The following DPP6 variants were observed in gnomAD, a reference collection of about 807,000 sequenced individuals.
The protein encoded by DPP6 is A-type potassium channel modulatory protein DPP6.
In DPP6, 69 loss-of-function variants were observed where a neutral mutation model predicts 122.6. That is an observed-to-expected ratio of 0.56 (90% CI 0.46 to 0.69). DPP6 has a LOEUF of 0.69. Ranked by LOEUF, DPP6 falls within the 30% of genes least tolerant of loss-of-function variation. The pLI is 0.00. For synonymous variants in DPP6, 418 were observed against 433.1 expected (o/e 0.97, Z 0.43); for missense variants, 928 against 1,116.9 (o/e 0.83, Z 2.41).
At chr7:154,860,055 C>G (rs895689969) in intron 17 of DPP6, among the ~76,000 whole-genome samples, 14 of 152,330 alleles carry the variant, frequency 9.2e-5, no homozygotes, top group African/African-American at 3.1e-4. Context: ...ACCTCCTACT[C>G]TCTTCATTTG....
At chr7:154,161,184 T>C (rs1338470714) in intron 1 of DPP6, among the ~76,000 whole-genome samples, 1 of 152,282 alleles carries the variant, frequency 6.6e-6, no homozygotes, top group Admixed American at 6.5e-5. Context: ...TTTGTTTGCT[T>C]TTGGTGTTAT....
chr7:154,886,685 G>A (rs1332017253), intron 22 of DPP6, among the ~76,000 whole-genome samples: 2 of 152,164 alleles, frequency 1.3e-5, no homozygotes, highest in South Asian at 2.1e-4. Flanking sequence ...CTGGTCCACC[G>A]CAGTCCTGCC....
At chr7:154,470,315 A>G (rs756515269) in intron 2 of DPP6, among the ~76,000 whole-genome samples, 4 of 152,214 alleles carry the variant, frequency 2.6e-5, no homozygotes, top group Non-Finnish European at 5.9e-5. Context: ...AGGAGAGATA[A>G]TAAATATCAT....
chr7:153,810,921 T>C, the DPP6 span, among the ~76,000 whole-genome samples: 1 of 152,340 alleles, frequency 6.6e-6, no homozygotes, highest in East Asian at 1.9e-4. Flanking sequence ...TCAAGATTAC[T>C]TTCTTTTGAT....
chr7:154,406,679 G>A (rs982796424), intron 1 of DPP6, among the ~76,000 whole-genome samples: 9 of 150,312 alleles, frequency 6.0e-5, no homozygotes, highest in African/African-American at 2.0e-4. Context: ...CTTCAGACCA[G>A]CACCATCAGC....
At chr7:154,175,042 CCT>C (rs1172943303) in intron 1 of DPP6, among the ~76,000 whole-genome samples, 1 of 151,786 alleles carries the variant, frequency 6.6e-6, no homozygotes, top group Non-Finnish European at 1.5e-5. Flanking sequence ...GCCCCCCACC[CCT>C]GTCTAATTTT....
intron 3 of DPP6, among the ~76,000 whole-genome samples, chr7:154,530,342 T>C (rs977455261): frequency 1.2e-4 from 18 of 151,910 alleles, no homozygotes. Context: ...CCTTGGCAAA[T>C]ACAAGATGCT....
chr7:153,903,085 A>G (rs934739409), intron 1 of DPP6, among the ~76,000 whole-genome samples: 2 of 152,314 alleles, frequency 1.3e-5, no homozygotes, highest in African/African-American at 4.8e-5. Context: ...TGTTGACACA[A>G]TTTAGCCAAA....
At chr7:154,793,680 C>T (rs924728863) in intron 10 of DPP6, 9 of 157,070 alleles carry the variant, frequency 5.7e-5, no homozygotes, top group Admixed American at 1.9e-4. Flanking sequence ...TTCTCTGTCC[C>T]GCCTCCCCGG....
At chr7:154,418,128 A>G (rs1365881041) in intron 1 of DPP6, among the ~76,000 whole-genome samples, 1 of 152,178 alleles carries the variant, frequency 6.6e-6, no homozygotes, top group East Asian at 1.9e-4. Context: ...CTCCTCCAGC[A>G]TGCCATAGCA....
chr7:153,866,397 T>A, the DPP6 span, among the ~76,000 whole-genome samples: 1 of 152,234 alleles, frequency 6.6e-6, no homozygotes, highest in African/African-American at 2.4e-5. Flanking sequence ...ATTTCTCTGA[T>A]GGCCAGTGAT....
At chr7:154,735,330 A>G (rs11767028) in intron 8 of DPP6, among the ~76,000 whole-genome samples, 20,492 of 152,234 alleles carry the variant, frequency 0.13, 1,482 homozygotes, top group Middle Eastern at 0.16. Flanking sequence ...ATTATGCCTC[A>G]TGATCTCTTA....
intron 1 of DPP6, among the ~76,000 whole-genome samples, chr7:153,923,585 C>A (rs550931270): frequency 1.3e-5 from 2 of 151,820 alleles, no homozygotes; most frequent in Non-Finnish European, 2.9e-5. Context: ...TATGGTGAAA[C>A]CTCGTCTCTA....
intron 3 of DPP6, among the ~76,000 whole-genome samples, chr7:154,502,573 G>A (rs914678251): frequency 7.9e-5 from 12 of 152,094 alleles, no homozygotes; most frequent in Non-Finnish European, 1.5e-4. Context: ...CATGTGAGAC[G>A]TGCCTTTCAC....
At chr7:154,415,719 C>CT (rs1816961246) in intron 1 of DPP6, among the ~76,000 whole-genome samples, 1 of 149,088 alleles carries the variant, frequency 6.7e-6, no homozygotes, top group Non-Finnish European at 1.5e-5. Context: ...GGGCAGTACT[C>CT]TGTCATCTAG....
rs1795441910 is a variant in DPP6, at chr7:154,760,136, G to C, written c.884-9281G>C. Among the ~76,000 whole-genome samples, 1 of 151,968 alleles carries C rather than the reference G, an allele frequency of 6.6e-6. No individual in the cohort carries two copies. Among genetic ancestry groups the C allele is most frequent in the Non-Finnish European group, 1.5e-5 (1 of 67,974 alleles). The stretch of plus-strand genomic sequence containing the variant: ...AGATTCTGTCTCAAAACAAAAAAAA[G>C]TCTATTCCCAAGGAGACAGGCATCC... On this transcript the variant is annotated intron_variant, in intron 8 of 25. Transcript: ENST00000377770. This position sits in a 1 kb window ranked among gnomAD's most constrained non-coding sequence, Gnocchi z 4.5.
In DPP6 at chr7:154,189,521, G is replaced by A. The variant is rs375504572; in HGVS notation, c.243+136458G>A. Among the ~76,000 whole-genome samples, 19 of 152,208 alleles carry A rather than the reference G, an allele frequency of 1.2e-4. 1 individual carries two copies. Among genetic ancestry groups the A allele is most frequent in the Admixed American group, 3.9e-4 (6 of 15,280 alleles). The stretch of plus-strand genomic sequence containing the variant: ...GACTGAGTGCACCACTTAGTAAGAT[G>A]TTTGTTCCGCCAACTCAGTCTCTAT... On this transcript the variant is annotated intron_variant, in intron 1 of 25. Coordinates refer to ENST00000377770, the MANE Select transcript of DPP6 (RefSeq NM_130797.4).
intron 1 of DPP6, among the ~76,000 whole-genome samples, chr7:154,071,256 A>G (rs1216878261): frequency 6.6e-6 from 1 of 152,184 alleles, no homozygotes; most frequent in Non-Finnish European, 1.5e-5. Context: ...TCTGTGTGCC[A>G]GGCATTTTCT....
chr7:154,212,467 T>A (rs1799791669), intron 1 of DPP6, among the ~76,000 whole-genome samples: 1 of 152,146 alleles, frequency 6.6e-6, no homozygotes, highest in Non-Finnish European at 1.5e-5. Context: ...CCTGACCAAC[T>A]TTTCCTCCAT....
Sources: gnomAD v4.1 joint callset for allele counts (sites outside exome capture counted in the v4.1 genomes callset) on GRCh38, gnomAD v4.1.1 for gene constraint, Gnocchi (gnomAD v3.1) non-coding constraint, MANE v1.5 for transcripts, NCBI Gene and HGNC (gene_info 2026-07-23, HGNC 2026-07-21) for gene names.